Variants in ADGRA3 observed in about 807,000 individuals in gnomAD.
ADGRA3 encodes the protein G-protein coupled receptor 125.
ADGRA3 carries 56 observed loss-of-function variants against 119.8 expected under a neutral mutation model. The ratio of observed to expected loss-of-function variants is 0.47; its 90% CI spans 0.38 to 0.58. The LOEUF (loss-of-function observed/expected upper bound fraction) is 0.58. Ranked by LOEUF, ADGRA3 falls within the 20% of genes least tolerant of loss-of-function variation. ADGRA3 has a pLI of 0.00. For synonymous variants in ADGRA3, 607 were observed against 623.8 expected (o/e 0.97, Z 0.40); for missense variants, 1,516 against 1,649.0 (o/e 0.92, Z 1.40).
chr4:22,392,249 T>C (rs1293248025), intron 17 of ADGRA3, among the ~76,000 whole-genome samples: 2 of 152,238 alleles, frequency 1.3e-5, no homozygotes, highest in South Asian at 2.1e-4. Flanking sequence ...TAGAGCCGAT[T>C]ATATGGCCAA....
At chr4:22,425,457 A>G (rs1392319887) in intron 10 of ADGRA3, among the ~76,000 whole-genome samples, 2 of 152,204 alleles carry the variant, frequency 1.3e-5, no homozygotes, top group African/African-American at 4.8e-5. Context: ...GAGAGAAATA[A>G]ATTGAACCGT....
intron 3 of ADGRA3, among the ~76,000 whole-genome samples, chr4:22,458,912 C>T (rs1553878090): frequency 6.6e-6 from 1 of 152,074 alleles, no homozygotes; most frequent in Non-Finnish European, 1.5e-5. Context: ...TTCTAATGAG[C>T]GCAGACAGAC....
chr4:22,447,153 C>T (rs76532930), intron 5 of ADGRA3, among the ~76,000 whole-genome samples: 6,072 of 151,950 alleles, frequency 0.04, 200 homozygotes, highest in East Asian at 0.19. Flanking sequence ...AACAAGGCAA[C>T]ATTTTATGAT....
intron 16 of ADGRA3, among the ~76,000 whole-genome samples, chr4:22,399,153 T>C (rs1371198670): frequency 2.0e-5 from 3 of 152,332 alleles, no homozygotes; most frequent in Middle Eastern, 3.4e-3. Context: ...TGAACCCGTG[T>C]GTTCGCTCTT....
In ADGRA3 at chr4:22,448,597, T is replaced by A. The variant is rs1264376571; in HGVS notation, c.474-1086A>T. Among the ~76,000 whole-genome samples the A allele has an allele frequency of 3.3e-5, 5 of 152,034 alleles. No homozygotes were observed. In the East Asian group the frequency reaches 9.7e-4, roughly 29 times the overall value. On this transcript the variant is annotated intron_variant, in intron 4 of 18. Coordinates refer to ENST00000334304, the MANE Select transcript of ADGRA3 (RefSeq NM_145290.4). ...ACCATTGGGCAGATGCATTTCCAAG[T>A]GGAGTTGGAGAAGAGAACTGATCAG... is the stretch of plus-strand genomic sequence containing the variant.
chr4:22,511,302 C>G (rs1719438740), intron 1 of ADGRA3, among the ~76,000 whole-genome samples: 1 of 151,996 alleles, frequency 6.6e-6, no homozygotes, highest in African/African-American at 2.4e-5. Context: ...AACAAAAACA[C>G]TAAATGTAGG....
intron 17 of ADGRA3, among the ~76,000 whole-genome samples, chr4:22,391,872 A>C (rs1714147745): frequency 6.6e-6 from 1 of 150,976 alleles, no homozygotes. Context: ...TTTCCTAACA[A>C]CCCCCCGCCC....
At chr4:22,449,447 T>C (rs1196110667) in intron 4 of ADGRA3, among the ~76,000 whole-genome samples, 9 of 152,102 alleles carry the variant, frequency 5.9e-5, no homozygotes, top group Admixed American at 5.9e-4. Context: ...GGGTAATGGG[T>C]ACACACACAT....
chr4:22,454,062 T>C (rs1717160330), intron 4 of ADGRA3, among the ~76,000 whole-genome samples: 1 of 152,126 alleles, frequency 6.6e-6, no homozygotes, highest in Non-Finnish European at 1.5e-5. Flanking sequence ...GGTTTTACCA[T>C]GTTAGCCAGG....
chr4:22,506,920 C>T (rs900892752), intron 1 of ADGRA3, among the ~76,000 whole-genome samples: 2 of 152,092 alleles, frequency 1.3e-5, no homozygotes, highest in Admixed American at 1.3e-4. Context: ...GCTTCCTAAT[C>T]TTTGCAAAAA....
At chr4:22,393,673 T>C (rs567982320) in intron 16 of ADGRA3, 1 of 152,270 alleles carries the variant, frequency 6.6e-6, no homozygotes, top group African/African-American at 2.4e-5. Flanking sequence ...TGGTCCACAT[T>C]AAGCATTTAG....
At chr4:22,477,780 C>T (rs1270203449) in intron 1 of ADGRA3, 1 of 152,112 alleles carries the variant, frequency 6.6e-6, no homozygotes, top group Non-Finnish European at 1.5e-5. Context: ...CAGTTTACAA[C>T]CTCAAGTTAA....
intron 11 of ADGRA3, among the ~76,000 whole-genome samples, chr4:22,422,964 G>C (rs886441049): frequency 7.2e-5 from 11 of 152,142 alleles, no homozygotes; most frequent in African/African-American, 2.7e-4. Context: ...GGGAGGCTGA[G>C]GCGGGTGGAT....
intron 16 of ADGRA3, among the ~76,000 whole-genome samples, chr4:22,396,539 G>A (rs1353432542): frequency 6.6e-6 from 1 of 152,072 alleles, no homozygotes; most frequent in Non-Finnish European, 1.5e-5. Context: ...AGCTGTTCTG[G>A]CAGGACACAA....
In ADGRA3 at chr4:22,515,999, G is replaced by C. The variant is rs1254535282; in HGVS notation, c.-215C>G. On this transcript the variant is annotated 5_prime_UTR_variant, in exon 1 of 19. Coordinates refer to ENST00000334304, the MANE Select transcript of ADGRA3 (RefSeq NM_145290.4). ...GGGGGTCACGGCCGCATGGGTCCCA[G>C]CGCCGCTCTACCGCCCGGCGCGAGC... is the stretch of plus-strand genomic sequence containing the variant. 1.8e-5 allele frequency: 3 copies of C among 163,576 alleles called. No homozygotes were observed. The highest frequency in any genetic ancestry group is 7.2e-5 in the African/African-American group (3 of 41,496). 10.1% of individuals were successfully genotyped at this position (163,576 alleles called of 1,614,324 possible).
At chr4:22,510,733 T>G (rs753635831) in intron 1 of ADGRA3, among the ~76,000 whole-genome samples, 1 of 152,154 alleles carries the variant, frequency 6.6e-6, no homozygotes, top group East Asian at 1.9e-4. Flanking sequence ...CTTTAGGCCA[T>G]GCTCAAGTCC....
At chr4:22,443,029 TA>T in intron 6 of ADGRA3, 166 bp from the exon 7 acceptor site, 1 of 685,632 alleles carries the variant, frequency 1.5e-6, no homozygotes, top group Non-Finnish European at 2.6e-6. Context: ...AGTTTAGTGA[TA>T]ACAGATTAAA....
intron 1 of ADGRA3, among the ~76,000 whole-genome samples, chr4:22,475,350 T>C (rs556381502): frequency 6.6e-6 from 1 of 152,238 alleles, no homozygotes; most frequent in Non-Finnish European, 1.5e-5. Flanking sequence ...CAATGTTTTC[T>C]GACGTGTCAA....
intron 10 of ADGRA3, among the ~76,000 whole-genome samples, chr4:22,425,631 C>T (rs1715898545): frequency 6.6e-6 from 1 of 152,154 alleles, no homozygotes; most frequent in South Asian, 2.1e-4. Flanking sequence ...CATTAAAAGG[C>T]GTTAAGTCCC....
Sources: gnomAD v4.1 joint callset for allele counts (sites outside exome capture counted in the v4.1 genomes callset) on GRCh38, gnomAD v4.1.1 for gene constraint, MANE v1.5 for transcripts, NCBI Gene and HGNC (gene_info 2026-07-23, HGNC 2026-07-21) for gene names.